Variants in RFC2 observed in about 807,000 individuals in gnomAD.
The protein encoded by RFC2 is A1 40 kDa subunit.
Under a neutral mutation model 44.8 loss-of-function variants are expected in RFC2, and 34 were observed. The ratio of observed to expected loss-of-function variants is 0.76; its 90% CI spans 0.58 to 1.01. RFC2 has a LOEUF of 1.01. Among genes scored for constraint, RFC2 ranks in the 50% least tolerant of loss-of-function variants. The pLI, the probability that RFC2 is intolerant of heterozygous loss-of-function variation, is 0.00. For synonymous variants in RFC2, 177 were observed against 168.9 expected (o/e 1.05, Z -0.37); for missense variants, 400 against 453.6 (o/e 0.88, Z 1.07).
At chr7:74,253,860 A>T (rs563319132) in intron 1 of RFC2, 21 of 172,656 alleles carry the variant, frequency 1.2e-4, no homozygotes, top group East Asian at 7.2e-4. Context: ...TGATTTTTTT[A>T]AAAAAATTTC....
At position 74,243,160 on chromosome 7, in the gene RFC2, G is replaced by A. The variant is rs1411614492; in HGVS notation, c.521C>T (p.Ser174Leu). The A allele has an allele frequency of 3.7e-6, 6 of 1,612,230 alleles. No individual in the cohort carries two copies. The highest frequency in any genetic ancestry group is 1.7e-5 in the Admixed American group (1 of 59,964). The change falls in exon 6 of 11, where the codon TCG becomes TTG. Residue 174 changes from serine to leucine, a missense_variant. Coordinates refer to ENST00000055077, the MANE Select transcript of RFC2 (RefSeq NM_181471.3). ...CTCCCACTCACCGATGATCTTATCC[G>A]AAGCATTACAAGCAAGGGCGAAGCG... Reference protein sequence around the residue: ...TTRFALACNASDKIIEPIQSR... With the variant: ...TTRFALACNALDKIIEPIQSR...
intron 1 of RFC2, 77 bp from the exon 2 acceptor site, chr7:74,252,575 G>C (rs938807153): frequency 3.5e-6 from 3 of 846,996 alleles, no homozygotes; most frequent in African/African-American, 1.7e-5. Flanking sequence ...GGGTTATCCT[G>C]AGAGCTTTGT....
Position 74,231,909 on chromosome 7 carries a change from A to C in RFC2, c.*197T>G. 1 of 471,476 alleles carries C rather than the reference A, an allele frequency of 2.1e-6. No homozygotes were observed. The highest frequency in any genetic ancestry group is 3.8e-6 in the Non-Finnish European group (1 of 264,982). 29.2% of individuals were successfully genotyped at this position (471,476 alleles called of 1,614,324 possible). On this transcript the variant is annotated 3_prime_UTR_variant, in exon 11 of 11. Transcript: ENST00000055077. ...TGGCCAGGCTGGTCTTGAACTTCTGACCTCAGGTGATCCACCTGCCTCGGC... is the reference window on the plus strand; with the variant it reads ...TGGCCAGGCTGGTCTTGAACTTCTGCCCTCAGGTGATCCACCTGCCTCGGC...
chr7:74,250,464 A>G (rs1786867724), intron 2 of RFC2, among the ~76,000 whole-genome samples: 1 of 151,814 alleles, frequency 6.6e-6, no homozygotes, highest in East Asian at 1.9e-4. Flanking sequence ...AAAACTGAAC[A>G]CTTCATTCTC....
intron 9 of RFC2, 106 bp downstream of exon 9, chr7:74,237,252 AGAAT>A (rs1554718459): frequency 8.8e-6 from 6 of 678,062 alleles, no homozygotes; most frequent in Middle Eastern, 2.5e-4. Flanking sequence ...TAAGATTTCA[AGAAT>A]GAATGGAGTG....
chr7:74,246,842 A>G (rs1385872257), intron 4 of RFC2, 79 bp from the exon 5 acceptor site: 15 of 934,146 alleles, frequency 1.6e-5, no homozygotes, highest in Admixed American at 2.1e-5. Context: ...AACAATCGGT[A>G]TATCAGGGAC....
Position 74,232,050 on chromosome 7 carries a change from G to C in RFC2, c.*56C>G. ...CGGCATTTTCCCCCATCAGAAAGCC[G>C]CGGCTCCTGTACCTCAGAATAGGGC... On this transcript the variant is annotated 3_prime_UTR_variant, in exon 11 of 11. Coordinates refer to ENST00000055077, the MANE Select transcript of RFC2 (RefSeq NM_181471.3). 9.5e-7 allele frequency: 1 copy of C among 1,048,184 alleles called. No homozygotes were observed. The highest frequency in any genetic ancestry group is 1.5e-6 in the Non-Finnish European group (1 of 677,404). The allele number at this position is 1,048,184 out of a possible 1,614,324, so 64.9% of individuals were successfully genotyped here. A position where few individuals can be genotyped will look rare whatever the true frequency, so the allele number is the denominator to read the frequency against.
rs781912578 is a variant in RFC2, at chr7:74,249,699, G to T, written c.225+40C>A. 18 of 1,551,960 alleles carry T rather than the reference G, an allele frequency of 1.2e-5. No homozygotes were observed. The East Asian group carries it at 3.6e-4, about 31-fold the overall frequency. ...AGCAGTTCAGCGGACAGTGGGATGA[G>T]ACATGGAGACACTCAACAGGCCCAG... On this transcript the variant is annotated intron_variant, in intron 3 of 10. Transcript: ENST00000055077.
At chr7:74,244,778 G>A (rs1277574174) in intron 5 of RFC2, among the ~76,000 whole-genome samples, 1 of 151,726 alleles carries the variant, frequency 6.6e-6, no homozygotes, top group Non-Finnish European at 1.5e-5. Context: ...GACCAGCCTG[G>A]GTAACATAGT....
At chr7:74,234,365 CTGA>C (rs1286593354) in intron 10 of RFC2, among the ~76,000 whole-genome samples, 3 of 152,120 alleles carry the variant, frequency 2.0e-5, no homozygotes, top group Admixed American at 2.0e-4. Flanking sequence ...ATTCTGCATC[CTGA>C]TGGTGATAGT....
At position 74,249,783 on chromosome 7, in the gene RFC2, A is replaced by G. The variant is rs1786799532; in HGVS notation, c.184-3T>C. 6.2e-7 allele frequency: 1 copy of G among 1,613,162 alleles called. No homozygotes were observed. The highest frequency in any genetic ancestry group is 8.5e-7 in the Non-Finnish European group (1 of 1,179,212). ...ACATTTCCTTCCCTTGCAAAGACCT[A>G]CGGCGAAAATGATCATTAAAACCGG... On this transcript the variant is annotated splice_region_variant and splice_polypyrimidine_tract_variant and intron_variant, in intron 2 of 10. Coordinates refer to ENST00000055077, the MANE Select transcript of RFC2 (RefSeq NM_181471.3).
chr7:74,253,805 A>G (rs1365395689), intron 1 of RFC2: 1 of 161,868 alleles, frequency 6.2e-6, no homozygotes, highest in African/African-American at 2.4e-5. Flanking sequence ...CACTTGAGCC[A>G]AGGAGCTGGA....
chr7:74,251,219 T>C (rs547867625), intron 2 of RFC2, among the ~76,000 whole-genome samples: 2 of 152,078 alleles, frequency 1.3e-5, no homozygotes, highest in African/African-American at 2.4e-5. Flanking sequence ...GGCGTGATCA[T>C]AGCTCACTGC....
rs1554719489 is a variant in RFC2 at position 74,243,190 on chromosome 7, G to A, written c.491C>T (p.Thr164Ile). ...ATTACAAGCAAGGGCGAAGCGAGTG[G>A]TTTTAGAGTAGATTTCCATGGTTCT... ...LRRTMEIYSK[T>I]TRFALACNAS... Residue 164 changes from threonine (T) to isoleucine (I), a missense_variant, in exon 6 of 11, where the codon ACC (threonine) becomes ATC (isoleucine). Thr to Ile is a moderately conservative substitution (Grantham distance 89, BLOSUM62 -1). Coordinates refer to ENST00000055077, the MANE Select transcript of RFC2 (RefSeq NM_181471.3). 6.2e-7 allele frequency: 1 copy of A among 1,614,002 alleles called. No homozygotes were observed. The highest frequency in any genetic ancestry group is 1.6e-4 in the Middle Eastern group (1 of 6,062).
At chr7:74,245,322 A>G (rs1445118092) in intron 5 of RFC2, among the ~76,000 whole-genome samples, 1 of 151,720 alleles carries the variant, frequency 6.6e-6, no homozygotes, top group African/African-American at 2.4e-5. Context: ...GCCTGGACTC[A>G]GATTCTTCAT....
At chr7:74,243,063 G>A (rs1162057242) in intron 6 of RFC2, 83 bp downstream of exon 6, 14 of 887,606 alleles carry the variant, frequency 1.6e-5, no homozygotes, top group South Asian at 7.0e-5. Flanking sequence ...CAGCCTGAGC[G>A]AAGAGGGAGA....
rs527999034 is a variant in RFC2 at position 74,245,228 on chromosome 7, C to T, written c.434+1434G>A. ...ATTTTTAGTAGAGACGAAGTTTCTCCATGTTGGTCTCCATCTCCCGACCTC... is the reference window on the plus strand; with the variant it reads ...ATTTTTAGTAGAGACGAAGTTTCTCTATGTTGGTCTCCATCTCCCGACCTC... On this transcript the variant is annotated intron_variant, in intron 5 of 10. Coordinates refer to ENST00000055077, the MANE Select transcript of RFC2 (RefSeq NM_181471.3). Among the ~76,000 whole-genome samples, 25 of 151,646 alleles carry T rather than the reference C, an allele frequency of 1.6e-4. No individual in the cohort carries two copies. In the South Asian group the frequency reaches 5.2e-3, roughly 32 times the overall value.
chr7:74,251,729 C>T (rs1331314624), intron 2 of RFC2, among the ~76,000 whole-genome samples: 5 of 143,960 alleles, frequency 3.5e-5, no homozygotes, highest in African/African-American at 1.0e-4. Context: ...ACCCAGGAGG[C>T]GGAGCTTGCA....
chr7:74,233,909 C>T (rs1554717768), intron 10 of RFC2: 2 of 456,542 alleles, frequency 4.4e-6, no homozygotes, highest in South Asian at 1.5e-5. Context: ...TCGAGTAAAA[C>T]ATACACTTAT....
Sources: gnomAD v4.1 joint callset for allele counts (sites outside exome capture counted in the v4.1 genomes callset) on GRCh38, gnomAD v4.1.1 for gene constraint, MANE v1.5 for transcripts, NCBI Gene and HGNC (gene_info 2026-07-23, HGNC 2026-07-21) for gene names.